POU2F2: variants seen among roughly 807,000 people sequenced by gnomAD.
POU2F2 encodes POU domain, class 2, transcription factor 2.
A neutral mutation model predicts 63.5 loss-of-function variants in POU2F2; 14 were observed. The ratio of observed to expected loss-of-function variants is 0.22; its 90% CI spans 0.15 to 0.34. POU2F2 has a LOEUF of 0.34. Among genes scored for constraint, POU2F2 ranks in the 10% least tolerant of loss-of-function variants. The probability of loss-of-function intolerance (pLI) is 1.00; values close to 1 mark genes in which losing one functional copy is unlikely to be tolerated. For synonymous variants in POU2F2, 306 were observed against 348.6 expected (o/e 0.88, Z 1.36); for missense variants, 607 against 815.2 (o/e 0.74, Z 3.11).
chr19:42,139,100 T>G (rs2034076952), intron 2 of POU2F2, among the ~76,000 whole-genome samples: 1 of 152,136 alleles, frequency 6.6e-6, no homozygotes, highest in South Asian at 2.1e-4. Flanking sequence ...GCGGATCACC[T>G]GAGGTCAGGA....
intron 2 of POU2F2, among the ~76,000 whole-genome samples, chr19:42,159,350 C>A (rs2034512608): frequency 6.6e-6 from 1 of 152,156 alleles, no homozygotes; most frequent in Admixed American, 6.5e-5. Context: ...TGCTGGGTTG[C>A]AAACCCTGGG....
intron 5 of POU2F2, among the ~76,000 whole-genome samples, chr19:42,111,936 G>T (rs1051040218): frequency 2.6e-5 from 4 of 152,216 alleles, no homozygotes; most frequent in African/African-American, 4.8e-5. Context: ...ACCCCCAGTG[G>T]TTGGCCCTGT....
At chr19:42,147,876 T>C (rs887808115) in intron 2 of POU2F2, among the ~76,000 whole-genome samples, 2 of 152,082 alleles carry the variant, frequency 1.3e-5, no homozygotes, top group African/African-American at 4.8e-5. Context: ...CAGGTGACAT[T>C]GTGTTTTGTA....
chr19:42,172,647 C>T (rs2034792621), intron 1 of POU2F2, among the ~76,000 whole-genome samples: 1 of 152,128 alleles, frequency 6.6e-6, no homozygotes, highest in South Asian at 2.1e-4. Flanking sequence ...GTAGGGGGGA[C>T]CATAAGCTCA....
chr19:42,096,041 G>GC lies in POU2F2; in HGVS notation c.729+40dup. 1 of 1,609,856 alleles carries GC rather than the reference G, an allele frequency of 6.2e-7. No homozygotes were observed. Among genetic ancestry groups the GC allele is most frequent in the Non-Finnish European group, 8.5e-7 (1 of 1,178,154 alleles). ...CTCGCGGCATCTATCAACTGGCCAC[G>GC]CCCCCACGCCCACCGCCCAGCCTGC... On this transcript the variant is annotated intron_variant, in intron 8 of 14. Coordinates refer to ENST00000692977, the MANE Select transcript of POU2F2 (RefSeq NM_001394376.1). The surrounding 1 kb of genome is among the most constrained non-coding windows in gnomAD (Gnocchi z 4.1).
rs1600100308 is a variant in POU2F2 at position 42,117,394 on chromosome 19, A to G, written c.225T>C (p.Gly75=). Residue 75 remains glycine (G), a synonymous_variant, in exon 5 of 15, where the codon GGT becomes GGC. Transcript: ENST00000692977. This position sits in a 1 kb window ranked among gnomAD's most constrained non-coding sequence, Gnocchi z 4.4. ...GGGGGGGAGAGAGGCAGGGTCCGGG[A>G]CCCCAGAATGTTAAGTGGAGGCCAG... ...ILSGLHLTFW[G]PGPCLSPPQI... 1 of 1,483,222 alleles carries G rather than the reference A, an allele frequency of 6.7e-7. No individual in the cohort carries two copies. Among genetic ancestry groups the G allele is most frequent in the East Asian group, 2.5e-5 (1 of 40,460 alleles). 91.9% of individuals were successfully genotyped at this position (1,483,222 alleles called of 1,614,324 possible).
rs2076754888 is a variant in POU2F2, at chr19:42,092,336, G to T, written c.1265-66C>A. 7.9e-7 allele frequency: 1 copy of T among 1,270,016 alleles called. No homozygotes were observed. The highest frequency in any genetic ancestry group is 1.1e-6 in the Non-Finnish European group (1 of 891,768). The allele number at this position is 1,270,016 out of a possible 1,614,324, so 78.7% of individuals were successfully genotyped here. On this transcript the variant is annotated intron_variant, in intron 12 of 14. Coordinates refer to ENST00000692977, the MANE Select transcript of POU2F2 (RefSeq NM_001394376.1). The surrounding 1 kb of genome is among the most constrained non-coding windows in gnomAD (Gnocchi z 5.0). ...CTCGTCCCCCACTGAGGAACCTGGG[G>T]TCAGCTCCTACTTGTCCTCCCGCCC... is the stretch of plus-strand genomic sequence containing the variant.
intron 1 of POU2F2, among the ~76,000 whole-genome samples, chr19:42,170,679 C>T (rs1222280795): frequency 6.6e-6 from 1 of 152,242 alleles, no homozygotes; most frequent in African/African-American, 2.4e-5. Context: ...ATGCTGACAA[C>T]TGCAGATAAA....
intron 2 of POU2F2, among the ~76,000 whole-genome samples, chr19:42,141,163 G>C (rs1477878625): frequency 6.6e-6 from 1 of 152,238 alleles, no homozygotes; most frequent in East Asian, 1.9e-4. Flanking sequence ...TGTACCTACA[G>C]ACTGTGAGCT....
chr19:42,147,440 T>C (rs937801043), intron 2 of POU2F2, among the ~76,000 whole-genome samples: 31 of 152,228 alleles, frequency 2.0e-4, no homozygotes, highest in Non-Finnish European at 4.1e-4. Flanking sequence ...GGGATAGACT[T>C]ATCAGTTCCT....
At chr19:42,154,203 G>A (rs1309188176) in intron 2 of POU2F2, among the ~76,000 whole-genome samples, 3 of 151,968 alleles carry the variant, frequency 2.0e-5, no homozygotes, top group Admixed American at 1.3e-4. Context: ...AAAAGGGGGG[G>A]ACAGGGAGGG....
At chr19:42,145,353 A>G (rs547782914) in intron 2 of POU2F2, among the ~76,000 whole-genome samples, 2 of 152,272 alleles carry the variant, frequency 1.3e-5, no homozygotes, top group East Asian at 3.9e-4. Context: ...TGAGCAAACC[A>G]CTCAGCCTCT....
At chr19:42,134,098 A>C (rs1391766686), upstream of POU2F2, among the ~76,000 whole-genome samples, 1 of 151,968 alleles carries the variant, frequency 6.6e-6, no homozygotes, top group Non-Finnish European at 1.5e-5. Context: ...TCTTCCCGAC[A>C]GCAGCCTGGT....
intron 1 of POU2F2, among the ~76,000 whole-genome samples, chr19:42,165,758 T>C (rs141362144): frequency 6.6e-6 from 1 of 152,220 alleles, no homozygotes; most frequent in East Asian, 1.9e-4. Context: ...ATAGGGAACT[T>C]AGCAAAAGGC....
At chr19:42,124,324 A>G (rs2146650636) in intron 1 of POU2F2, among the ~76,000 whole-genome samples, 1 of 151,896 alleles carries the variant, frequency 6.6e-6, no homozygotes, top group African/African-American at 2.4e-5. Flanking sequence ...AAAAAGAAAA[A>G]AAAAAAGAAT....
At chr19:42,148,093 A>G (rs2034268418) in intron 2 of POU2F2, among the ~76,000 whole-genome samples, 1 of 150,382 alleles carries the variant, frequency 6.6e-6, no homozygotes, top group Non-Finnish European at 1.5e-5. Context: ...CTTCGCCCCC[A>G]AAGCCCTCAC....
upstream of POU2F2, chr19:42,177,277 C>A (rs2034904301): frequency 6.4e-6 from 1 of 155,912 alleles, no homozygotes; most frequent in South Asian, 1.8e-4. Context: ...GCTCCCGCGC[C>A]CGCTCGCTGC....
chr19:42,186,875 A>G (rs1425626088), intron 1 of POU2F2, among the ~76,000 whole-genome samples: 1 of 152,098 alleles, frequency 6.6e-6, no homozygotes, highest in Admixed American at 6.6e-5. Flanking sequence ...AGACAGGAGA[A>G]AATAGGAGGA....
intron 1 of POU2F2, among the ~76,000 whole-genome samples, chr19:42,164,829 G>A (rs754343005): frequency 5.9e-5 from 9 of 151,790 alleles, no homozygotes; most frequent in Non-Finnish European, 8.8e-5. Flanking sequence ...GGGTGTGGTG[G>A]CGCATACCTA....
Sources: allele counts gnomAD v4.1 joint callset (sites outside exome capture counted in the v4.1 genomes callset), GRCh38; gene constraint gnomAD v4.1.1; non-coding constraint Gnocchi (gnomAD v3.1); transcripts MANE v1.5; gene names NCBI Gene and HGNC (gene_info 2026-07-23, HGNC 2026-07-21).